The following MYRIP variants were observed in gnomAD, a reference collection of about 807,000 sequenced individuals.
MYRIP encodes myosin VIIA and Rab interacting protein.
MYRIP carries 49 observed loss-of-function variants against 98.0 expected under a neutral mutation model. That is an observed-to-expected ratio of 0.50 (90% confidence interval 0.40 to 0.63). The LOEUF (loss-of-function observed/expected upper bound fraction) is 0.63, where lower values mean the gene tolerates loss of function less well. MYRIP is among the 30% of genes least tolerant of loss of function. The pLI is 0.00. For synonymous variants in MYRIP, 404 were observed against 409.5 expected (o/e 0.99, Z 0.16); for missense variants, 1,004 against 1,058.2 (o/e 0.95, Z 0.71).
chr3:39,861,621 T>C (rs1354265147), intron 1 of MYRIP, among the ~76,000 whole-genome samples: 1 of 151,762 alleles, frequency 6.6e-6, no homozygotes, highest in African/African-American at 2.4e-5. Flanking sequence ...GGAGATGAAA[T>C]ATGAAATGGC....
intron 1 of MYRIP, among the ~76,000 whole-genome samples, chr3:39,888,944 G>A (rs564459987): frequency 6.6e-6 from 1 of 152,186 alleles, no homozygotes; most frequent in Non-Finnish European, 1.5e-5. Flanking sequence ...ACCATCACTG[G>A]CCATCAGAGA....
At chr3:40,122,489 A>G (rs1014938083) in intron 3 of MYRIP, among the ~76,000 whole-genome samples, 1 of 151,774 alleles carries the variant, frequency 6.6e-6, no homozygotes, top group African/African-American at 2.4e-5. Context: ...GAAAAAATCC[A>G]GATTATCATA....
At chr3:40,090,320 T>C (rs1013312740) in intron 3 of MYRIP, among the ~76,000 whole-genome samples, 12 of 152,064 alleles carry the variant, frequency 7.9e-5, no homozygotes, top group Admixed American at 6.6e-4. Flanking sequence ...AAGGGTATGA[T>C]TGTGTTCAGG....
At chr3:39,934,441 C>A (rs1944612040) in intron 2 of MYRIP, among the ~76,000 whole-genome samples, 1 of 152,062 alleles carries the variant, frequency 6.6e-6, no homozygotes, top group African/African-American at 2.4e-5. Flanking sequence ...AGAGACGAGT[C>A]TGGGACCCAG....
At chr3:40,003,256 C>T (rs923286992) in intron 2 of MYRIP, among the ~76,000 whole-genome samples, 48 of 152,242 alleles carry the variant, frequency 3.2e-4, no homozygotes, top group Middle Eastern at 3.4e-3. Flanking sequence ...GTGTGGGAAT[C>T]GGTGGCCTCT....
At chr3:40,195,614 C>T (rs1471262540) in intron 10 of MYRIP, among the ~76,000 whole-genome samples, 3 of 152,172 alleles carry the variant, frequency 2.0e-5, no homozygotes, top group Admixed American at 6.5e-5. Context: ...CTTCTATAAT[C>T]TGTTAATGTT....
intron 8 of MYRIP, among the ~76,000 whole-genome samples, chr3:40,181,942 C>T (rs777999349): frequency 2.0e-5 from 3 of 152,084 alleles, no homozygotes; most frequent in African/African-American, 4.8e-5. Flanking sequence ...AAATATTGGC[C>T]GCAAGAGTGG....
chr3:40,079,716 TGTGCTATAAACTCATACCA>T (rs373351714), intron 3 of MYRIP, among the ~76,000 whole-genome samples: 13 of 152,358 alleles, frequency 8.5e-5, no homozygotes, highest in African/African-American at 3.1e-4. Context: ...CTGGCTAAAC[TGTGCTATAAACTCATACCA>T]GTTAGCCAAG....
At chr3:40,147,960 C>T (rs1950042829) in intron 3 of MYRIP, among the ~76,000 whole-genome samples, 1 of 152,146 alleles carries the variant, frequency 6.6e-6, no homozygotes. Flanking sequence ...TTTAGTTCTC[C>T]TGGCATACAC....
At chr3:40,074,793 A>G (rs183671453) in intron 3 of MYRIP, among the ~76,000 whole-genome samples, 78 of 152,334 alleles carry the variant, frequency 5.1e-4, no homozygotes, top group African/African-American at 1.5e-3. Flanking sequence ...AACCTAATTT[A>G]AAAGAGCAAA....
chr3:40,056,350 T>G (rs1947884685), intron 3 of MYRIP, among the ~76,000 whole-genome samples: 1 of 152,192 alleles, frequency 6.6e-6, no homozygotes, highest in Non-Finnish European at 1.5e-5. Flanking sequence ...GGTTTTCAGC[T>G]AAGTACTTGC....
intron 2 of MYRIP, among the ~76,000 whole-genome samples, chr3:40,016,082 G>A (rs929833763): frequency 5.9e-5 from 9 of 151,894 alleles, no homozygotes; most frequent in East Asian, 1.9e-4. Context: ...TCTGTCTACC[G>A]GCCTCACAGG....
At position 40,065,571 on chromosome 3, in the gene MYRIP, T is replaced by C. The variant is rs527520595; in HGVS notation, c.332+21300T>C. ...GATGTTAGTCTGGAATTGGCATTGG[T>C]GTGACTTTAGAAAGAGATATAAACA... On this transcript the variant is annotated intron_variant, in intron 3 of 16. Coordinates refer to ENST00000302541, the MANE Select transcript of MYRIP (RefSeq NM_015460.4). 1.2e-3 allele frequency among the ~76,000 whole-genome samples: 177 copies of C among 152,236 alleles called. 2 individuals carry two copies. The South Asian group carries it at 0.034, about 29-fold the overall frequency.
chr3:40,199,681 C>T (rs1346235280), intron 10 of MYRIP, among the ~76,000 whole-genome samples: 1 of 152,206 alleles, frequency 6.6e-6, no homozygotes, highest in African/African-American at 2.4e-5. Flanking sequence ...AAAGGGTAAT[C>T]ATTCCCCTCT....
At chr3:40,034,722 G>C (rs1471237022) in intron 2 of MYRIP, among the ~76,000 whole-genome samples, 1 of 151,324 alleles carries the variant, frequency 6.6e-6, no homozygotes, top group Non-Finnish European at 1.5e-5. Context: ...CCCATTACTG[G>C]GTATATACCC....
chr3:39,971,132 G>T (rs976121443), intron 2 of MYRIP, among the ~76,000 whole-genome samples: 1 of 152,064 alleles, frequency 6.6e-6, no homozygotes, highest in South Asian at 2.1e-4. Context: ...TTGTGGGAAG[G>T]CAAATAAAGG....
chr3:40,103,497 G>A (rs561499986), intron 3 of MYRIP, among the ~76,000 whole-genome samples: 14 of 152,336 alleles, frequency 9.2e-5, no homozygotes, highest in Admixed American at 1.3e-4. Context: ...GGTGGCTCAC[G>A]CCTATAATCC....
chr3:39,852,217 C>A (rs894697480), intron 1 of MYRIP, among the ~76,000 whole-genome samples: 5 of 152,212 alleles, frequency 3.3e-5, no homozygotes, highest in African/African-American at 1.2e-4. Context: ...ATTGTGGAGC[C>A]CAGTCTGCAG....
At chr3:39,872,287 A>G (rs776186571) in intron 1 of MYRIP, among the ~76,000 whole-genome samples, 1 of 151,562 alleles carries the variant, frequency 6.6e-6, no homozygotes, top group Non-Finnish European at 1.5e-5. Context: ...TTTAAAGATC[A>G]TTGTCTCTTA....
Sources: gnomAD v4.1 joint callset for allele counts (sites outside exome capture counted in the v4.1 genomes callset) on GRCh38, gnomAD v4.1.1 for gene constraint, MANE v1.5 for transcripts, NCBI Gene and HGNC (gene_info 2026-07-23, HGNC 2026-07-21) for gene names.